PTPN3: variants seen among roughly 807,000 people sequenced by gnomAD.
PTPN3 encodes the protein protein tyrosine phosphatase non-receptor type 3, also known as tyrosine-protein phosphatase non-receptor type 3.
In PTPN3, 96 loss-of-function variants were observed where a neutral mutation model predicts 132.7. The ratio of observed to expected loss-of-function variants is 0.72; its 90% confidence interval spans 0.61 to 0.86. The LOEUF (loss-of-function observed/expected upper bound fraction) is 0.86, where lower values mean the gene tolerates loss of function less well. Ranked by LOEUF, PTPN3 falls within the 40% of genes least tolerant of loss-of-function variation. The pLI is 0.00. For missense variants in PTPN3, 1,125 were observed against 1,159.6 expected (o/e 0.97, Z 0.43); for synonymous variants, 398 against 429.0 (o/e 0.93, Z 0.89).
intron 12 of PTPN3, among the ~76,000 whole-genome samples, chr9:109,424,146 T>C (rs1843079904): frequency 6.6e-6 from 1 of 152,002 alleles, no homozygotes; most frequent in Non-Finnish European, 1.5e-5. Context: ...ATAGGGACTC[T>C]CTGAAAAAAA....
intron 14 of PTPN3, among the ~76,000 whole-genome samples, chr9:109,418,483 C>A (rs1842679215): frequency 6.6e-6 from 1 of 152,242 alleles, no homozygotes; most frequent in African/African-American, 2.4e-5. Flanking sequence ...AGCGCCCAGA[C>A]TGCAAGCAAG....
At chr9:109,433,222 A>T in intron 9 of PTPN3, 61 bp from the exon 10 acceptor site, 4 of 1,599,578 alleles carry the variant, frequency 2.5e-6, no homozygotes, top group Non-Finnish European at 3.4e-6. Context: ...CCCTCTGGTG[A>T]CTTTAAAGCA....
intron 1 of PTPN3, among the ~76,000 whole-genome samples, chr9:109,464,778 C>T (rs900794936): frequency 6.6e-6 from 1 of 152,154 alleles, no homozygotes; most frequent in African/African-American, 2.4e-5. Context: ...ACATGCAAAA[C>T]GTGAATCAAT....
At chr9:109,425,098 A>G (rs1195291970) in intron 12 of PTPN3, among the ~76,000 whole-genome samples, 1 of 152,162 alleles carries the variant, frequency 6.6e-6, no homozygotes, top group Non-Finnish European at 1.5e-5. Flanking sequence ...GGCTTGCTCA[A>G]CAGTAGATCT....
At chr9:109,526,211 A>G in the PTPN3 span, among the ~76,000 whole-genome samples, 1 of 152,108 alleles carries the variant, frequency 6.6e-6, no homozygotes, top group Non-Finnish European at 1.5e-5. Flanking sequence ...GAGAGAAAGT[A>G]AAGAAGACTA....
intron 19 of PTPN3, among the ~76,000 whole-genome samples, chr9:109,393,271 T>C (rs1422622995): frequency 6.6e-6 from 1 of 152,174 alleles, no homozygotes; most frequent in Non-Finnish European, 1.5e-5. Flanking sequence ...TTTACTATAA[T>C]TTGTATTAAC....
intron 22 of PTPN3, among the ~76,000 whole-genome samples, chr9:109,385,003 A>G (rs1239370802): frequency 1.3e-5 from 2 of 152,226 alleles, no homozygotes; most frequent in African/African-American, 4.8e-5. Context: ...TCATCTGCAT[A>G]GGAAGGATAA....
intron 25 of PTPN3, among the ~76,000 whole-genome samples, chr9:109,380,408 A>C (rs1412587455): frequency 6.6e-6 from 1 of 152,150 alleles, no homozygotes; most frequent in African/African-American, 2.4e-5. Flanking sequence ...GGCACATGCC[A>C]CCATGCCTGG....
chr9:109,385,385 C>T (rs896321968), intron 22 of PTPN3, among the ~76,000 whole-genome samples: 16 of 152,218 alleles, frequency 1.1e-4, no homozygotes, highest in African/African-American at 3.1e-4. Flanking sequence ...GGCGATGATT[C>T]TGAAGCTTCA....
At chr9:109,439,359 GCTTCTA>G (rs1844289394) in intron 7 of PTPN3, among the ~76,000 whole-genome samples, 2 of 145,944 alleles carry the variant, frequency 1.4e-5, no homozygotes, top group South Asian at 4.5e-4. Context: ...ACAAAAAAAA[GCTTCTA>G]CTTCATCTTT....
chr9:109,458,024 C>G (rs1246163639), intron 2 of PTPN3, among the ~76,000 whole-genome samples: 1 of 152,242 alleles, frequency 6.6e-6, no homozygotes, highest in East Asian at 1.9e-4. Context: ...GATCAGGACT[C>G]CATTGCCTTC....
the PTPN3 span, among the ~76,000 whole-genome samples, chr9:109,523,707 A>G: frequency 6.6e-6 from 1 of 152,416 alleles, no homozygotes; most frequent in African/African-American, 2.4e-5. Context: ...CAAATGTGGT[A>G]ACTTCACCCC....
chr9:109,469,655 T>C (rs890261862), intron 1 of PTPN3, among the ~76,000 whole-genome samples: 5 of 152,282 alleles, frequency 3.3e-5, no homozygotes, highest in Middle Eastern at 3.4e-3. Context: ...ATATTCTTAT[T>C]TTTTAAAGTA....
At chr9:109,428,151 T>C (rs1254832494) in intron 11 of PTPN3, among the ~76,000 whole-genome samples, 2 of 152,220 alleles carry the variant, frequency 1.3e-5, no homozygotes, top group Admixed American at 6.5e-5. Flanking sequence ...CTTTGACCAA[T>C]CCTCTTTTAT....
rs1450053100 is a variant in PTPN3, at chr9:109,405,510, T to A, written c.1793-902A>T. On this transcript the variant is annotated intron_variant, in intron 18 of 25. Transcript: ENST00000374541. ...ATAACAACAACTATAAAGACAACAG[T>A]GTGATGCTCAGTAGAGGCTGTCCTT... Among the ~76,000 whole-genome samples, 3 of 152,154 alleles carry A rather than the reference T, an allele frequency of 2.0e-5. No homozygotes were observed. In the East Asian group the frequency reaches 5.8e-4, roughly 29 times the overall value.
the PTPN3 span, among the ~76,000 whole-genome samples, chr9:109,503,420 C>T: frequency 6.6e-6 from 1 of 152,142 alleles, no homozygotes; most frequent in Non-Finnish European, 1.5e-5. Context: ...AAATGTCTTT[C>T]TCGGCTGGGC....
intron 1 of PTPN3, among the ~76,000 whole-genome samples, chr9:109,471,736 C>T (rs1846393089): frequency 6.6e-6 from 1 of 151,720 alleles, no homozygotes; most frequent in Non-Finnish European, 1.5e-5. Context: ...AACTCCTGGG[C>T]TCAAGCAATC....
At chr9:109,444,121 T>TTATC (rs1305403192) in intron 7 of PTPN3, among the ~76,000 whole-genome samples, 1 of 152,198 alleles carries the variant, frequency 6.6e-6, no homozygotes, top group Non-Finnish European at 1.5e-5. Context: ...TCTTGCTGCC[T>TTATC]TATCTATCTA....
intron 12 of PTPN3, among the ~76,000 whole-genome samples, chr9:109,426,329 T>C (rs1665631653): frequency 6.6e-6 from 1 of 150,494 alleles, no homozygotes; most frequent in Non-Finnish European, 1.5e-5. Context: ...TAAATTTACA[T>C]CCATTTCTTT....
Sources: gnomAD v4.1 joint callset for allele counts (sites outside exome capture counted in the v4.1 genomes callset) on GRCh38, gnomAD v4.1.1 for gene constraint, MANE v1.5 for transcripts, NCBI Gene and HGNC (gene_info 2026-07-23, HGNC 2026-07-21) for gene names.